TNIP3: variants seen among roughly 807,000 people sequenced by gnomAD.
The protein encoded by TNIP3 is TNFAIP3 interacting protein 3, also known as TNFAIP3-interacting protein 3.
In TNIP3, 34 loss-of-function variants were observed where a neutral mutation model predicts 54.1. The observed-to-expected ratio is 0.63, with a 90% confidence interval of 0.48 to 0.84. TNIP3 has a LOEUF of 0.84. Among genes scored for constraint, TNIP3 ranks in the 40% least tolerant of loss-of-function variants. The pLI is 0.00. For synonymous variants in TNIP3, 134 were observed against 136.8 expected (o/e 0.98, Z 0.14); for missense variants, 366 against 387.6 (o/e 0.94, Z 0.47).
upstream of TNIP3, among the ~76,000 whole-genome samples, chr4:121,165,502 G>A (rs1355620709): frequency 2.0e-5 from 3 of 152,138 alleles, no homozygotes; most frequent in South Asian, 2.1e-4. Context: ...CATGCATTAC[G>A]ATTACATATT....
intron 2 of TNIP3, among the ~76,000 whole-genome samples, chr4:121,189,256 G>T (rs1020062687): frequency 1.1e-4 from 16 of 152,110 alleles, no homozygotes; most frequent in Non-Finnish European, 2.4e-4. Context: ...CATTGCCAAG[G>T]TCACATTTTC....
chr4:121,209,770 T>G (rs2148846273), intron 2 of TNIP3, among the ~76,000 whole-genome samples: 2 of 152,310 alleles, frequency 1.3e-5, no homozygotes, highest in African/African-American at 4.8e-5. Context: ...TATTGATGTT[T>G]TATTGATCAT....
chr4:121,132,357 C>T lies in TNIP3; in HGVS notation c.*274G>A. The T allele has an allele frequency of 2.4e-6, 1 of 416,952 alleles. No homozygotes were observed. Among genetic ancestry groups the T allele is most frequent in the Admixed American group, 4.0e-5 (1 of 25,170 alleles). 25.8% of individuals were successfully genotyped at this position (416,952 alleles called of 1,614,324 possible). ...AACAGCAATATGCTGAAGAGATTTT[C>T]AGGGAGTCGTGCATCATCCATCTGC... On this transcript the variant is annotated 3_prime_UTR_variant, in exon 11 of 11. Coordinates refer to ENST00000057513, the MANE Select transcript of TNIP3 (RefSeq NM_024873.6).
At chr4:121,197,317 C>T (rs1401192274) in intron 2 of TNIP3, among the ~76,000 whole-genome samples, 3 of 152,054 alleles carry the variant, frequency 2.0e-5, no homozygotes, top group Non-Finnish European at 4.4e-5. Flanking sequence ...CACCTGACGT[C>T]AGGAGTTCGA....
upstream of TNIP3, chr4:121,164,343 G>T (rs1730642018): frequency 7.6e-7 from 1 of 1,309,788 alleles, no homozygotes. Context: ...CACTGCAACT[G>T]GGATTTTAAC....
chr4:121,210,603 G>A lies in TNIP3; in HGVS notation c.68+5812C>T, dbSNP rs1395880560. Among the ~76,000 whole-genome samples, 3 of 152,274 alleles carry A rather than the reference G, an allele frequency of 2.0e-5. No individual in the cohort carries two copies. In the East Asian group the frequency reaches 5.8e-4, roughly 29 times the overall value. On this transcript the variant is annotated intron_variant, in intron 2 of 12. Transcript: ENST00000507879. ...GTATTTATTTCTCACAGTTCTGAAG[G>A]CTGGGAAGTTTGTGAGCAAGGTGCC...
intron 4 of TNIP3, among the ~76,000 whole-genome samples, chr4:121,156,075 A>C (rs78047079): frequency 0.022 from 3,332 of 152,322 alleles, 79 homozygotes; most frequent in Admixed American, 0.036. Context: ...AATGACTGCT[A>C]CATGGCAGAA....
At chr4:121,143,924 A>G (rs564125265) in intron 7 of TNIP3, among the ~76,000 whole-genome samples, 1 of 152,318 alleles carries the variant, frequency 6.6e-6, no homozygotes, top group East Asian at 1.9e-4. Context: ...ATTCTAAACC[A>G]TGAAATCACC....
chr4:121,209,410 G>C (rs915582688), intron 2 of TNIP3, among the ~76,000 whole-genome samples: 5 of 152,150 alleles, frequency 3.3e-5, no homozygotes, highest in Non-Finnish European at 7.4e-5. Context: ...AACATGTGGG[G>C]TCTGTACTAA....
intron 2 of TNIP3, among the ~76,000 whole-genome samples, chr4:121,212,106 T>C (rs1359482298): frequency 2.0e-5 from 3 of 152,232 alleles, no homozygotes; most frequent in African/African-American, 7.2e-5. Context: ...TACAAGTGAT[T>C]TCTACATTGA....
At chr4:121,142,591 G>C (rs1019492874) in intron 8 of TNIP3, 135 bp downstream of exon 8, 7 of 757,830 alleles carry the variant, frequency 9.2e-6, no homozygotes, top group South Asian at 1.7e-5. Context: ...TCTATCCGTT[G>C]ATGGTGTAGT....
intron 3 of TNIP3, 53 bp downstream of exon 3, chr4:121,158,634 C>A (rs888159660): frequency 4.3e-6 from 6 of 1,399,206 alleles, no homozygotes; most frequent in Non-Finnish European, 6.1e-6. Flanking sequence ...ACACAATTGG[C>A]CCCACCAGGA....
intron 5 of TNIP3, among the ~76,000 whole-genome samples, chr4:121,150,986 C>G (rs1280463423): frequency 6.6e-6 from 1 of 152,172 alleles, no homozygotes; most frequent in Non-Finnish European, 1.5e-5. Context: ...CTGTATTCAC[C>G]AGAACGATTA....
At chr4:121,214,448 T>G (rs1212427301) in intron 2 of TNIP3, among the ~76,000 whole-genome samples, 4 of 152,212 alleles carry the variant, frequency 2.6e-5, no homozygotes, top group African/African-American at 9.7e-5. Flanking sequence ...TTGCTGGCTG[T>G]GGAGAAGAGG....
chr4:121,226,639 G>C (rs1370464804), intron 1 of TNIP3, among the ~76,000 whole-genome samples: 2 of 152,204 alleles, frequency 1.3e-5, no homozygotes, highest in Non-Finnish European at 2.9e-5. Flanking sequence ...TCAGATTCAA[G>C]AAATATCAGC....
At chr4:121,204,813 T>C (rs913465466) in intron 2 of TNIP3, among the ~76,000 whole-genome samples, 1 of 152,214 alleles carries the variant, frequency 6.6e-6, no homozygotes, top group Non-Finnish European at 1.5e-5. Flanking sequence ...ATAATTTTCA[T>C]TTCTATCAGC....
intron 1 of TNIP3, chr4:121,227,368 G>C: frequency 6.5e-7 from 1 of 1,534,888 alleles, no homozygotes; most frequent in Non-Finnish European, 8.7e-7. Context: ...AAAGGCACAA[G>C]ACATTATGTT....
At chr4:121,213,748 A>C (rs1029474976) in intron 2 of TNIP3, among the ~76,000 whole-genome samples, 4 of 151,874 alleles carry the variant, frequency 2.6e-5, no homozygotes, top group African/African-American at 9.7e-5. Context: ...AAACAAAAAA[A>C]GACATTCTTC....
At chr4:121,179,706 A>G (rs1395298931) in intron 3 of TNIP3, among the ~76,000 whole-genome samples, 1 of 151,928 alleles carries the variant, frequency 6.6e-6, no homozygotes, top group Non-Finnish European at 1.5e-5. Context: ...GAATGGTGCC[A>G]CCTGAGTGGT....
Sources: gnomAD v4.1 joint callset for allele counts (sites outside exome capture counted in the v4.1 genomes callset) on GRCh38, gnomAD v4.1.1 for gene constraint, MANE v1.5 for transcripts, NCBI Gene and HGNC (gene_info 2026-07-23, HGNC 2026-07-21) for gene names.